Variants in RAPGEF3 observed in about 807,000 individuals in gnomAD.
RAPGEF3 encodes 9330170P05Rik.
RAPGEF3 carries 103 observed loss-of-function variants against 129.8 expected under a neutral mutation model. That is an observed-to-expected ratio of 0.79 (90% CI 0.68 to 0.93). RAPGEF3 has a LOEUF of 0.93. RAPGEF3 is among the 40% of genes least tolerant of loss of function. The pLI is 0.00. For synonymous variants in RAPGEF3, 436 were observed against 482.6 expected (o/e 0.90, Z 1.26); for missense variants, 1,117 against 1,207.4 (o/e 0.93, Z 1.11).
chr12:47,758,438 C>T, intron 1 of RAPGEF3, 113 bp downstream of exon 1: 1 of 1,571,806 alleles, frequency 6.4e-7, no homozygotes, highest in Non-Finnish European at 8.7e-7. Context: ...AACCCTTCTC[C>T]TCTCCTCCTC....
In RAPGEF3 at chr12:47,749,106, C is replaced by T; in HGVS notation, c.1042-175G>A. 1.5e-6 allele frequency: 1 copy of T among 650,836 alleles called. No homozygotes were observed. The highest frequency in any genetic ancestry group is 1.9e-5 in the South Asian group (1 of 53,790). The allele number at this position is 650,836 out of a possible 1,614,324, so 40.3% of individuals were successfully genotyped here. On this transcript the variant is annotated intron_variant, in intron 10 of 27. Coordinates refer to ENST00000449771, the MANE Select transcript of RAPGEF3 (RefSeq NM_001098531.4). This position sits in a 1 kb window ranked among gnomAD's most constrained non-coding sequence, Gnocchi z 4.5. Reference sequence around the variant, plus strand: ...TCAGCCTTCCCTACCTTCCATGCATCCTGCCTCCCCCACAGCCTAGTCCCC... The same window carrying T: ...TCAGCCTTCCCTACCTTCCATGCATTCTGCCTCCCCCACAGCCTAGTCCCC...
chr12:47,738,606 G>T, intron 25 of RAPGEF3, 84 bp downstream of exon 25: 1 of 1,196,274 alleles, frequency 8.4e-7, no homozygotes, highest in Non-Finnish European at 1.2e-6. Flanking sequence ...AGTTTAAGCT[G>T]CCTCCAAGCC....
Position 47,744,033 on chromosome 12 carries a change from G to T in RAPGEF3, c.1632C>A (p.Asp544Glu). The T allele has an allele frequency of 1.2e-6, 2 of 1,612,040 alleles. No individual in the cohort carries two copies. Among genetic ancestry groups the T allele is most frequent in the Non-Finnish European group, 8.5e-7 (1 of 1,178,224 alleles). The change falls in exon 17 of 28, where the codon GAC becomes GAA. Residue 544 changes from aspartate to glutamate, a missense_variant. Physicochemically the swap from Asp to Glu is conservative, Grantham distance 45. Around this residue, in one of 3 missense-constraint regions of RAPGEF3, gnomAD observed 643 missense variants for 673.4 expected, o/e 0.95. Transcript: ENST00000449771. ...CACAGCTGCTGCCAGGAAGGGGCTC[G>T]TCCTGGTTGGGGAGCCAAACAGGCA... Reference protein sequence around the residue: ...RNLPVWLPNQDEPLPGSSCAI... With the variant: ...RNLPVWLPNQEEPLPGSSCAI...
Position 47,740,933 on chromosome 12 carries a change from G to A in RAPGEF3, c.2031C>T (p.Leu677=), listed in dbSNP as rs1941123601. 1 of 1,613,916 alleles carries A rather than the reference G, an allele frequency of 6.2e-7. No homozygotes were observed. Among genetic ancestry groups the A allele is most frequent in the African/African-American group, 1.3e-5 (1 of 74,940 alleles). ...AGQLTDHDWS[L]FNSIHQVELI... Reference sequence around the variant, plus strand: ...CCCATACCTGGTGGATACTGTTGAAGAGGCTCCAGTCGTGGTCCGTCAGCT... The same window carrying A: ...CCCATACCTGGTGGATACTGTTGAAAAGGCTCCAGTCGTGGTCCGTCAGCT... The change falls in exon 20 of 28, where the codon CTC becomes CTT. Residue 677 remains leucine, a synonymous_variant. Transcript: ENST00000449771.
chr12:47,757,502 T>C (rs1942145945), intron 2 of RAPGEF3, among the ~76,000 whole-genome samples: 1 of 152,100 alleles, frequency 6.6e-6, no homozygotes, highest in Non-Finnish European at 1.5e-5. Flanking sequence ...TAACCAAGCT[T>C]ACCTCACTCC....
At chr12:47,739,280 C>G (rs1464767959) in intron 23 of RAPGEF3, 50 bp from the exon 24 acceptor site, 4 of 1,433,982 alleles carry the variant, frequency 2.8e-6, no homozygotes, top group South Asian at 1.2e-5. Flanking sequence ...TAAGCCACCA[C>G]AGACCCCACC....
rs141004233 is a variant in RAPGEF3 at position 47,748,389 on chromosome 12, T to C, written c.1243+65A>G. 485 of 1,457,290 alleles carry C rather than the reference T, an allele frequency of 3.3e-4. 3 individuals carry two copies. The African/African-American group carries it at 6.1e-3, about 18-fold the overall frequency. 90.3% of individuals were successfully genotyped at this position (1,457,290 alleles called of 1,614,324 possible). A position where few individuals can be genotyped will look rare whatever the true frequency, so the allele number is the denominator to read the frequency against. ...TGACGTCAGATGCAGGGTACCTGGC[T>C]CTCTCCCAGGCTCCATGGACCACCC... On this transcript the variant is annotated intron_variant, in intron 12 of 27. Transcript: ENST00000449771.
chr12:47,757,802 T>C (rs1048980169), intron 2 of RAPGEF3, 64 bp downstream of exon 2: 5 of 1,445,030 alleles, frequency 3.5e-6, no homozygotes, highest in Non-Finnish European at 3.7e-6. Flanking sequence ...TGCCAAGCCA[T>C]GATCTAGGCC....
intron 2 of RAPGEF3, among the ~76,000 whole-genome samples, chr12:47,757,382 T>C (rs1057210281): frequency 6.6e-6 from 1 of 152,054 alleles, no homozygotes. Flanking sequence ...CAAAGGCAGG[T>C]ACCAAGCAGT....
chr12:47,737,987 C>T, intron 27 of RAPGEF3, 35 bp downstream of exon 27: 1 of 1,530,978 alleles, frequency 6.5e-7, no homozygotes, highest in Non-Finnish European at 9.0e-7. Context: ...CATAAGCACC[C>T]CCTCCCTGCC....
chr12:47,740,751 T>G lies in RAPGEF3; in HGVS notation c.2122A>C (p.Met708Leu). 6.2e-7 allele frequency: 1 copy of G among 1,614,024 alleles called. No homozygotes were observed. The highest frequency in any genetic ancestry group is 8.5e-7 in the Non-Finnish European group (1 of 1,179,978). ...DVTTANLERF[M>L]RRFNELQYWV... ...TACTGCAGCTCATTGAAGCGGCGCA[T>G]GAAGCGCTCCAGGTTGGCGGTGGTG... is the stretch of plus-strand genomic sequence containing the variant. The change falls in exon 21 of 28, where the codon ATG (methionine) becomes CTG (leucine). Residue 708 changes from methionine to leucine, a missense_variant. This residue lies in a region of RAPGEF3 where 643 missense variants were observed against 673.4 expected (regional missense o/e 0.95). Coordinates refer to ENST00000449771, the MANE Select transcript of RAPGEF3 (RefSeq NM_001098531.4).
In RAPGEF3 at chr12:47,740,622, C is replaced by T; in HGVS notation, c.2231+20G>A. The T allele has an allele frequency of 6.2e-7, 1 of 1,612,348 alleles. No individual in the cohort carries two copies. Among genetic ancestry groups the T allele is most frequent in the Non-Finnish European group, 8.5e-7 (1 of 1,179,242 alleles). ...CCGGGGGGACTCTGGCCACGCCCTA[C>T]CCACTGGACAGGGACTCACTGGGCC... On this transcript the variant is annotated intron_variant, in intron 21 of 27. Coordinates refer to ENST00000449771, the MANE Select transcript of RAPGEF3 (RefSeq NM_001098531.4).
rs962306337 is a variant in RAPGEF3 at position 47,747,519 on chromosome 12, CAAATT to C, written c.1556+20_1556+24del. On this transcript the variant is annotated intron_variant, in intron 15 of 27. Coordinates refer to ENST00000449771, the MANE Select transcript of RAPGEF3 (RefSeq NM_001098531.4). ...ATGGCACTGCCAGTTATGGAAATGA[CAAATT>C]AACAGAGTCAAAGCATCACCTGTGG... 12 of 1,607,698 alleles carry C rather than the reference CAAATT, an allele frequency of 7.5e-6. No homozygotes were observed. Among genetic ancestry groups the C allele is most frequent in the Non-Finnish European group, 8.5e-6 (10 of 1,175,026 alleles).
At chr12:47,751,648 C>G in intron 4 of RAPGEF3, 75 bp downstream of exon 4, 1 of 1,599,988 alleles carries the variant, frequency 6.3e-7, no homozygotes, top group Non-Finnish European at 8.5e-7. Flanking sequence ...AGGGTGAGGC[C>G]CAGGTGCCTG....
chr12:47,747,968 G>C lies in RAPGEF3; in HGVS notation c.1322+106C>G, dbSNP rs375501581. ...CCTGGCAAGCTGGGCCTGGCAGCAG[G>C]CTGGCATTTAAAGGGCTCAGCACAG... is the stretch of plus-strand genomic sequence containing the variant. On this transcript the variant is annotated intron_variant, in intron 13 of 27. Transcript: ENST00000449771. 2.3e-3 allele frequency: 3,663 copies of C among 1,579,234 alleles called. 109 individuals are homozygous for C. In the South Asian group the frequency reaches 0.039, roughly 17 times the overall value.
intron 23 of RAPGEF3, chr12:47,739,840 C>A: frequency 3.9e-6 from 2 of 508,036 alleles, no homozygotes; most frequent in South Asian, 4.3e-5. Context: ...GCACCTCAGA[C>A]CCCAGGACTG....
intron 16 of RAPGEF3, chr12:47,746,400 A>C (rs1941419477): frequency 4.0e-6 from 2 of 499,216 alleles, no homozygotes; most frequent in Non-Finnish European, 7.0e-6. Context: ...TCCTGGCTGC[A>C]GTCACATCTT....
chr12:47,746,506 C>A (rs1237176271), intron 16 of RAPGEF3: 2 of 618,982 alleles, frequency 3.2e-6, no homozygotes, highest in Non-Finnish European at 2.8e-6. Context: ...CTCTGAGCTC[C>A]CACAGCACTG....
rs930543766 is a variant in RAPGEF3, at chr12:47,758,071, C to T, written c.14G>A (p.Trp5Ter). MKVG[W>*]PGESCWQVGL... ...CACCTGCCAGCAGCTCTCACCTGGCCAGCCCACCTGTGACACGGGGAGGAA... is the reference window on the plus strand; with the variant it reads ...CACCTGCCAGCAGCTCTCACCTGGCTAGCCCACCTGTGACACGGGGAGGAA... Residue 5 changes from tryptophan to a stop codon, truncating the protein, a stop_gained, in exon 2 of 28, where the codon TGG (tryptophan) becomes TAG (stop). Transcript: ENST00000449771. LOFTEE classifies it high-confidence loss of function. 3.2e-6 allele frequency: 5 copies of T among 1,564,282 alleles called. No homozygotes were observed. In the African/African-American group the frequency reaches 6.8e-5, roughly 21 times the overall value.
Sources: allele counts gnomAD v4.1 joint callset (sites outside exome capture counted in the v4.1 genomes callset), GRCh38; gene constraint gnomAD v4.1.1; regional missense constraint gnomAD v4.1.1; non-coding constraint Gnocchi (gnomAD v3.1); transcripts MANE v1.5; gene names NCBI Gene and HGNC (gene_info 2026-07-23, HGNC 2026-07-21).